Variants in LRRC73 observed in about 807,000 individuals in gnomAD.
LRRC73 encodes leucine-rich repeat-containing protein 73.
A neutral mutation model predicts 26.4 loss-of-function variants in LRRC73; 16 were observed. The ratio of observed to expected loss-of-function variants is 0.61; its 90% confidence interval spans 0.41 to 0.92. The LOEUF (loss-of-function observed/expected upper bound fraction) is 0.92. Among genes scored for constraint, LRRC73 ranks in the 40% least tolerant of loss-of-function variants. The pLI is 0.00. For missense variants in LRRC73, 344 were observed against 416.3 expected (o/e 0.83, Z 1.51); for synonymous variants, 210 against 179.8 (o/e 1.17, Z -1.34).
chr6:43,509,501 G>A lies in LRRC73; in HGVS notation c.272+13C>T. ...GCAGTGCCCGGGACCCCCTTGCGAGGGGGCGCACTCACAAGAGGGACTGGA... is the reference window on the plus strand; with the variant it reads ...GCAGTGCCCGGGACCCCCTTGCGAGAGGGCGCACTCACAAGAGGGACTGGA... On this transcript the variant is annotated intron_variant, in intron 1 of 5. Coordinates refer to ENST00000372441, the Ensembl canonical transcript of LRRC73. 2 of 1,594,206 alleles carry A rather than the reference G, an allele frequency of 1.3e-6. No individual in the cohort carries two copies. The highest frequency in any genetic ancestry group is 1.7e-6 in the Non-Finnish European group (2 of 1,168,952).
rs1411311699 is a variant in LRRC73 at position 43,507,489 on chromosome 6, G to C, written c.847C>G (p.Gln283Glu). ...CACATCCAGGAGCTGCTGCCTCTCT[G>C]GTGGGCAGCAGGCTCCCGCCCTCTC... is the stretch of plus-strand genomic sequence containing the variant. The change falls in exon 5 of 6, where the codon CAG becomes GAG. Residue 283 changes from glutamine to glutamate, a missense_variant. Gln to Glu is a conservative substitution (Grantham distance 29). Coordinates refer to ENST00000372441, the Ensembl canonical transcript of LRRC73. The C allele has an allele frequency of 4.3e-6, 7 of 1,613,120 alleles. No homozygotes were observed. The Admixed American group carries it at 8.3e-5, about 19-fold the overall frequency.
chr6:43,507,265 G>A (rs754196129), exon 6 of LRRC73: 9 of 1,613,988 alleles, frequency 5.6e-6, no homozygotes, highest in Middle Eastern at 1.6e-4. Context: ...CCAACAGACT[G>A]TCCCCTAGTC....
chr6:43,509,637 C>G (rs1272922204), exon 1 of LRRC73: 3 of 1,600,818 alleles, frequency 1.9e-6, no homozygotes, highest in Non-Finnish European at 2.6e-6. Flanking sequence ...GGCCAGGGCC[C>G]GGCAGATGCG....
chr6:43,510,271 C>T (rs1332150918), exon 1 of LRRC73: 1 of 153,340 alleles, frequency 6.5e-6, no homozygotes, highest in African/African-American at 2.4e-5. Context: ...CCGACCACCC[C>T]GCGGGCCTGG....
rs2127681513 is a variant in LRRC73, at chr6:43,509,036, A to G, written c.273-116T>C. The G allele has an allele frequency of 3.7e-6, 4 of 1,083,046 alleles. No individual in the cohort carries two copies. In the South Asian group the frequency reaches 8.2e-5, roughly 22 times the overall value. 67.1% of individuals were successfully genotyped at this position (1,083,046 alleles called of 1,614,324 possible). A position where few individuals can be genotyped will look rare whatever the true frequency, so the allele number is the denominator to read the frequency against. ...GGGGAGGGCAGTCACAGCGCTTGAGAGGCCTGGAAAAGGAGAAGGAAAGTT... is the reference window on the plus strand; with the variant it reads ...GGGGAGGGCAGTCACAGCGCTTGAGGGGCCTGGAAAAGGAGAAGGAAAGTT... On this transcript the variant is annotated intron_variant, in intron 1 of 5. Transcript: ENST00000372441.
intron 5 of LRRC73, 34 bp downstream of exon 5, chr6:43,507,422 A>G (rs1792526117): frequency 1.2e-6 from 2 of 1,611,262 alleles, no homozygotes; most frequent in Non-Finnish European, 1.7e-6. Flanking sequence ...AGCCTCTTCC[A>G]GACCTGGCTC....
At chr6:43,509,693 G>C in exon 1 of LRRC73, 1 of 1,591,830 alleles carries the variant, frequency 6.3e-7, no homozygotes, top group Non-Finnish European at 8.5e-7. Context: ...GTGAGAGCAG[G>C]CGCACGGCGT....
At chr6:43,507,410 C>G (rs377690577) in intron 5 of LRRC73, 46 bp downstream of exon 5, 1 of 1,609,852 alleles carries the variant, frequency 6.2e-7, no homozygotes, top group South Asian at 1.1e-5. Context: ...TCCCTTGTCC[C>G]GAGCCTCTTC....
In LRRC73 at chr6:43,507,447, G is replaced by T. The variant is rs200902010; in HGVS notation, c.880+9C>A. ...AGACCTGGCTCTGATCAACCCTCTG[G>T]GTTCTTACCGCTGGGGCACATCCAG... On this transcript the variant is annotated intron_variant, in intron 5 of 5. Transcript: ENST00000372441. 361 of 1,612,764 alleles carry T rather than the reference G, an allele frequency of 2.2e-4. 1 individual carries two copies. The highest frequency in any genetic ancestry group is 8.3e-4 in the Middle Eastern group (5 of 6,034).
At chr6:43,509,404 G>T in intron 1 of LRRC73, 110 bp downstream of exon 1, 1 of 1,320,938 alleles carries the variant, frequency 7.6e-7, no homozygotes, top group Non-Finnish European at 1.0e-6. Context: ...TGTGCATAAG[G>T]CATGTGAAGG....
At chr6:43,507,755 G>T in intron 4 of LRRC73, 71 bp downstream of exon 4, 1 of 1,586,518 alleles carries the variant, frequency 6.3e-7, no homozygotes, top group South Asian at 1.1e-5. Context: ...CATGCCTTAG[G>T]TATGTCATCA....
At chr6:43,509,677 C>A in exon 1 of LRRC73, 2 of 1,593,302 alleles carry the variant, frequency 1.3e-6, no homozygotes, top group Non-Finnish European at 1.7e-6. Context: ...AGGCGGCAGC[C>A]GCGCAGTGAG....
chr6:43,508,894 G>T (rs770675998), exon 2 of LRRC73: 2 of 1,609,226 alleles, frequency 1.2e-6, no homozygotes, highest in Non-Finnish European at 1.7e-6. Flanking sequence ...GGCCAGCCCC[G>T]CATCTGTCAG....
At chr6:43,507,763 T>C (rs897583353) in intron 4 of LRRC73, 63 bp downstream of exon 4, 2 of 1,589,094 alleles carry the variant, frequency 1.3e-6, no homozygotes, top group African/African-American at 2.7e-5. Flanking sequence ...AGGTATGTCA[T>C]CAGACACATA....
chr6:43,509,219 C>T (rs1053311588), intron 1 of LRRC73, among the ~76,000 whole-genome samples: 4 of 152,170 alleles, frequency 2.6e-5, no homozygotes, highest in African/African-American at 9.7e-5. Context: ...GATATTCCCC[C>T]TTGGGAACCA....
rs760982657 is a variant in LRRC73 at position 43,509,538 on chromosome 6, G to C, written c.248C>G (p.Thr83Ser). ...CAAGAGGGACTGGATGGAGCGGTTG[G>C]TCCGCAGAGCCTCAGCCAGCTGCTT... Residue 83 changes from threonine (T) to serine (S), a missense_variant, in exon 1 of 6, where the codon ACC becomes AGC. Transcript: ENST00000372441. 6.2e-7 allele frequency: 1 copy of C among 1,609,422 alleles called. No homozygotes were observed. The highest frequency in any genetic ancestry group is 8.5e-7 in the Non-Finnish European group (1 of 1,178,812).
exon 1 of LRRC73, chr6:43,509,561 C>T: frequency 6.2e-7 from 1 of 1,610,100 alleles, no homozygotes; most frequent in Non-Finnish European, 8.5e-7. Context: ...CAGCCAGCTG[C>T]TTGATGCGGC....
chr6:43,508,014 A>G, intron 3 of LRRC73, 88 bp from the exon 4 acceptor site: 5 of 1,196,750 alleles, frequency 4.2e-6, no homozygotes, highest in Non-Finnish European at 6.0e-6. Flanking sequence ...AACTTTAGAT[A>G]CTAATCCCTG....
intron 3 of LRRC73, 137 bp from the exon 4 acceptor site, chr6:43,508,063 G>T: frequency 1.0e-6 from 1 of 973,102 alleles, no homozygotes; most frequent in Non-Finnish European, 1.5e-6. Context: ...GTCAGGAAGG[G>T]ATCATTGTGA....
Sources: gnomAD v4.1 joint callset for allele counts (sites outside exome capture counted in the v4.1 genomes callset) on GRCh38, gnomAD v4.1.1 for gene constraint, MANE v1.5 for transcripts, NCBI Gene and HGNC (gene_info 2026-07-23, HGNC 2026-07-21) for gene names.